KIF26B: variants seen among roughly 807,000 people sequenced by gnomAD.
The protein encoded by KIF26B is kinesin family member 26B, also known as kinesin-like protein KIF26B.
In KIF26B, 63 loss-of-function variants were observed where a neutral mutation model predicts 151.2. The observed-to-expected ratio is 0.42, with a 90% CI of 0.34 to 0.51. The LOEUF (loss-of-function observed/expected upper bound fraction) is 0.51, where lower values mean the gene tolerates loss of function less well. Among genes scored for constraint, KIF26B ranks in the 20% least tolerant of loss-of-function variants. KIF26B has a pLI of 0.07. For synonymous variants in KIF26B, 1,357 were observed against 1,262.1 expected (o/e 1.08, Z -1.59); for missense variants, 2,813 against 2,913.6 (o/e 0.97, Z 0.79).
chr1:245,566,762 T>C (rs1293911264), intron 5 of KIF26B, among the ~76,000 whole-genome samples: 1 of 152,092 alleles, frequency 6.6e-6, no homozygotes, highest in East Asian at 1.9e-4. Flanking sequence ...ACCCCATCTC[T>C]ACTAAAATAC....
intron 4 of KIF26B, among the ~76,000 whole-genome samples, chr1:245,466,169 A>AT (rs1659785174): frequency 7.4e-6 from 1 of 134,402 alleles, no homozygotes; most frequent in Admixed American, 7.7e-5. Flanking sequence ...TAAGAGTCTG[A>AT]TTTAGATCGA....
At chr1:245,683,366 C>A (rs1054077799) in intron 10 of KIF26B, among the ~76,000 whole-genome samples, 2 of 152,144 alleles carry the variant, frequency 1.3e-5, no homozygotes, top group Non-Finnish European at 2.9e-5. Flanking sequence ...CATTTGGCAG[C>A]AGTTGAGAGT....
At chr1:245,510,448 A>G (rs1660807718) in intron 4 of KIF26B, among the ~76,000 whole-genome samples, 2 of 152,184 alleles carry the variant, frequency 1.3e-5, no homozygotes, top group Admixed American at 6.5e-5. Flanking sequence ...GGGATGTACA[A>G]TTAAAGATTT....
At chr1:245,460,436 C>T (rs1390526993) in intron 4 of KIF26B, among the ~76,000 whole-genome samples, 1 of 152,084 alleles carries the variant, frequency 6.6e-6, no homozygotes. Flanking sequence ...ACACAGCCAC[C>T]CCCATTTTTT....
At chr1:245,620,176 G>T (rs114067770) in intron 9 of KIF26B, among the ~76,000 whole-genome samples, 4 of 151,864 alleles carry the variant, frequency 2.6e-5, no homozygotes, top group African/African-American at 7.3e-5. Context: ...TTGATCTTAC[G>T]AACCACAAAG....
intron 2 of KIF26B, among the ~76,000 whole-genome samples, chr1:245,304,536 A>G (rs2102979247): frequency 6.6e-6 from 1 of 152,200 alleles, no homozygotes; most frequent in East Asian, 1.9e-4. Flanking sequence ...CTCTTTGGGT[A>G]TCTCTGGGAA....
chr1:245,267,619 C>A (rs961425974), intron 2 of KIF26B, among the ~76,000 whole-genome samples: 1 of 141,566 alleles, frequency 7.1e-6, no homozygotes, highest in Non-Finnish European at 1.5e-5. Context: ...ATACTACTGG[C>A]GACAGCTAAG....
chr1:245,209,323 C>T (rs1353469578), intron 2 of KIF26B, among the ~76,000 whole-genome samples: 1 of 152,074 alleles, frequency 6.6e-6, no homozygotes, highest in African/African-American at 2.4e-5. Context: ...ATCGCTTGAA[C>T]CCGGGAGGCG....
At chr1:245,565,662 G>A (rs1316815369) in intron 5 of KIF26B, among the ~76,000 whole-genome samples, 1 of 152,126 alleles carries the variant, frequency 6.6e-6, no homozygotes, top group Non-Finnish European at 1.5e-5. Flanking sequence ...GAGATTAAGG[G>A]TATGACATTA....
chr1:245,550,044 G>T (rs1483660516), intron 5 of KIF26B, among the ~76,000 whole-genome samples: 2 of 152,188 alleles, frequency 1.3e-5, no homozygotes, highest in African/African-American at 4.8e-5. Context: ...TTCTCAAAGT[G>T]CTGGGATTAC....
chr1:245,633,813 GTA>G (rs1189453975), intron 9 of KIF26B, among the ~76,000 whole-genome samples: 1 of 151,922 alleles, frequency 6.6e-6, no homozygotes, highest in Non-Finnish European at 1.5e-5. Flanking sequence ...GTTGTAAATG[GTA>G]TTTTTAATTT....
rs3068316 is a variant in KIF26B at position 245,466,185 on chromosome 1, A to ATGTT, written c.1166+46466_1166+46469dup. ...AAGAGTCTGATTTAGATCGATGGGA[A>ATGTT]TGTTTGTTTGTTTGTTTGTTTGTTT... On this transcript the variant is annotated intron_variant, in intron 4 of 14. Transcript: ENST00000407071. Among the ~76,000 whole-genome samples the ATGTT allele has an allele frequency of 4.2e-3, 634 of 151,272 alleles. 4 individuals are homozygous for ATGTT. The highest frequency in any genetic ancestry group is 0.014 in the African/African-American group (580 of 41,332).
chr1:245,249,620 C>A (rs1670406130), intron 2 of KIF26B, among the ~76,000 whole-genome samples: 3 of 150,540 alleles, frequency 2.0e-5, no homozygotes, highest in Non-Finnish European at 4.4e-5. Context: ...GTAGCTGGGA[C>A]TACAGGTGCC....
chr1:245,315,428 A>C (rs1313265695), intron 2 of KIF26B, among the ~76,000 whole-genome samples: 1 of 151,788 alleles, frequency 6.6e-6, no homozygotes, highest in Non-Finnish European at 1.5e-5. Flanking sequence ...TTGTCTGTAA[A>C]AGAAAAAAAA....
intron 2 of KIF26B, among the ~76,000 whole-genome samples, chr1:245,219,127 CTTTTTTTTTTTTTTT>C (rs1166578525): frequency 1.2e-4 from 7 of 56,144 alleles, no homozygotes; most frequent in Non-Finnish European, 1.6e-4. Context: ...ATACCTACCT[CTTTTTTTTTTTTTTT>C]TTTTTTTTTT....
rs188617048 is a variant in KIF26B, at chr1:245,321,803, C to G, written c.466-45031C>G. 9.1e-3 allele frequency among the ~76,000 whole-genome samples: 1,392 copies of G among 152,322 alleles called. 14 individuals are homozygous for G. Among genetic ancestry groups the G allele is most frequent in the Non-Finnish European group, 0.011 (723 of 68,034 alleles). ...GGCCATGCCAGTTCGCTCAGCCATT[C>G]AACCCAGCAGCCCTGACTATTGTAG... On this transcript the variant is annotated intron_variant, in intron 2 of 14. Coordinates refer to ENST00000407071, the MANE Select transcript of KIF26B (RefSeq NM_018012.4).
At chr1:245,608,228 G>A (rs1174581768) in intron 7 of KIF26B, among the ~76,000 whole-genome samples, 1 of 152,202 alleles carries the variant, frequency 6.6e-6, no homozygotes, top group African/African-American at 2.4e-5. Flanking sequence ...GAAGCGTCTG[G>A]GAAAGGAGGC....
rs190465224 is a variant in KIF26B, at chr1:245,294,108, G to A, written c.466-72726G>A. On this transcript the variant is annotated intron_variant, in intron 2 of 14. Coordinates refer to ENST00000407071, the MANE Select transcript of KIF26B (RefSeq NM_018012.4). The stretch of plus-strand genomic sequence containing the variant: ...GGCCTGTGTTGTGTCCTGAGGGGCT[G>A]TGTACACGGAGTCTATGGCAAGGTT... Among the ~76,000 whole-genome samples the A allele has an allele frequency of 1.6e-3, 250 of 152,292 alleles. 1 individual carries two copies. Among genetic ancestry groups the A allele is most frequent in the African/African-American group, 5.8e-3 (242 of 41,576 alleles).
chr1:245,684,198 G>A, intron 10 of KIF26B, 35 bp from the exon 11 acceptor site: 1 of 1,594,166 alleles, frequency 6.3e-7, no homozygotes, highest in Admixed American at 1.7e-5. Context: ...GGGAAGCATG[G>A]CCGCTAATGC....
Sources: allele counts gnomAD v4.1 joint callset (sites outside exome capture counted in the v4.1 genomes callset), GRCh38; gene constraint gnomAD v4.1.1; transcripts MANE v1.5; gene names NCBI Gene and HGNC (gene_info 2026-07-23, HGNC 2026-07-21).